The following GPHN variants were observed in gnomAD, a reference collection of about 807,000 sequenced individuals.
GPHN encodes the protein gephyrin.
In GPHN, 17 loss-of-function variants were observed where a neutral mutation model predicts 95.5. The observed-to-expected ratio is 0.18, with a 90% CI of 0.12 to 0.27. GPHN has a LOEUF of 0.27. Among genes scored for constraint, GPHN ranks in the 10% least tolerant of loss-of-function variants. The probability of loss-of-function intolerance (pLI) is 1.00; values close to 1 mark genes in which losing one functional copy is unlikely to be tolerated. For synonymous variants in GPHN, 320 were observed against 322.5 expected, an observed-to-expected ratio of 0.99 and a Z score of 0.08; for missense variants, 660 against 978.1, an observed-to-expected ratio of 0.67 and a Z score of 4.34.
At chr14:66,895,610 A>G (rs2153543606) in intron 5 of GPHN, among the ~76,000 whole-genome samples, 1 of 152,322 alleles carries the variant, frequency 6.6e-6, no homozygotes. Context: ...CTAGAATAAT[A>G]CTTTCAATGT....
chr14:67,358,510 T>G, the GPHN span, among the ~76,000 whole-genome samples: 3 of 151,022 alleles, frequency 2.0e-5, no homozygotes, highest in East Asian at 5.8e-4. Context: ...AATGTCAGGG[T>G]CAAAACTGAT....
At chr14:67,656,380 C>T in the GPHN span, 2 of 1,528,070 alleles carry the variant, frequency 1.3e-6, no homozygotes, top group African/African-American at 1.4e-5. Flanking sequence ...CCTAATTACC[C>T]CATACTTGCC....
intron 10 of GPHN, among the ~76,000 whole-genome samples, chr14:67,035,475 C>T (rs1594886945): frequency 6.6e-6 from 1 of 151,836 alleles, no homozygotes; most frequent in East Asian, 1.9e-4. Flanking sequence ...AAAATACCAA[C>T]AAAATTGACA....
chr14:67,605,776 G>T, the GPHN span, among the ~76,000 whole-genome samples: 2 of 151,940 alleles, frequency 1.3e-5, no homozygotes, highest in African/African-American at 4.8e-5. Context: ...TCTGCCTCCT[G>T]GGATCAAGCA....
At chr14:67,631,774 C>T in the GPHN span, among the ~76,000 whole-genome samples, 2 of 152,124 alleles carry the variant, frequency 1.3e-5, no homozygotes, top group East Asian at 3.9e-4. Context: ...TCAGTGTTCT[C>T]AGGATTCTGT....
chr14:67,611,024 C>T, the GPHN span: 1 of 156,554 alleles, frequency 6.4e-6, no homozygotes, highest in Non-Finnish European at 1.5e-5. Flanking sequence ...TGGAGCCGTA[C>T]CTGATGGTGA....
chr14:67,403,501 C>T, the GPHN span, among the ~76,000 whole-genome samples: 1 of 152,210 alleles, frequency 6.6e-6, no homozygotes, highest in African/African-American at 2.4e-5. Flanking sequence ...GCCAAATATT[C>T]TCTGTCCTGT....
chr14:67,333,249 C>T, the GPHN span: 1 of 236,250 alleles, frequency 4.2e-6, no homozygotes, highest in Non-Finnish European at 8.2e-6. Context: ...TTGTTTTCAC[C>T]TAAACCCTTT....
At chr14:67,487,134 C>T in the GPHN span, 1 of 152,280 alleles carries the variant, frequency 6.6e-6, no homozygotes, top group Non-Finnish European at 1.5e-5. Flanking sequence ...TAGGGCTCAG[C>T]TGATCCTTGG....
chr14:66,993,370 C>T (rs998021724), intron 9 of GPHN, among the ~76,000 whole-genome samples: 3 of 151,960 alleles, frequency 2.0e-5, no homozygotes, highest in Non-Finnish European at 4.4e-5. Context: ...TTTCAGAGTA[C>T]AAAGATAAAT....
At chr14:67,266,193 T>G in the GPHN span, among the ~76,000 whole-genome samples, 1 of 152,176 alleles carries the variant, frequency 6.6e-6, no homozygotes, top group Non-Finnish European at 1.5e-5. Context: ...AATATATATT[T>G]ATTTAAAAGT....
the GPHN span, among the ~76,000 whole-genome samples, chr14:67,344,461 G>T: frequency 6.6e-6 from 1 of 152,038 alleles, no homozygotes; most frequent in Non-Finnish European, 1.5e-5. Flanking sequence ...AAAGAATCAA[G>T]CATTAATAAC....
chr14:66,890,295 C>G (rs1036095339), intron 5 of GPHN, among the ~76,000 whole-genome samples: 7 of 151,482 alleles, frequency 4.6e-5, no homozygotes, highest in Non-Finnish European at 1.5e-5. Flanking sequence ...GTAGTCCCAG[C>G]TACTCAGGGG....
chr14:66,849,616 G>A (rs181826213), intron 4 of GPHN, among the ~76,000 whole-genome samples: 3 of 152,018 alleles, frequency 2.0e-5, no homozygotes, highest in South Asian at 2.1e-4. Context: ...TTACCAATCT[G>A]GTAGGTGAAA....
chr14:67,689,978 T>G, the GPHN span: 1 of 484,242 alleles, frequency 2.1e-6, no homozygotes, highest in Admixed American at 3.4e-5. Context: ...TTGCTATAGA[T>G]CACACAGCTA....
intron 8 of GPHN, among the ~76,000 whole-genome samples, chr14:66,945,923 T>C (rs2067720104): frequency 6.6e-6 from 1 of 152,220 alleles, no homozygotes; most frequent in African/African-American, 2.4e-5. Flanking sequence ...TTGTGATTTC[T>C]ATTGGCTTTC....
the GPHN span, among the ~76,000 whole-genome samples, chr14:67,328,101 A>T: frequency 6.6e-6 from 1 of 152,236 alleles, no homozygotes; most frequent in African/African-American, 2.4e-5. Flanking sequence ...TCCCACCAAC[A>T]GTGTAAAAGT....
the GPHN span, among the ~76,000 whole-genome samples, chr14:67,351,911 C>CAA: frequency 7.8e-6 from 1 of 128,118 alleles, no homozygotes; most frequent in Non-Finnish European, 1.6e-5. Flanking sequence ...GAACCTCTAC[C>CAA]AAAAAAAAAA....
chr14:67,061,420 A>G (rs923032575), intron 11 of GPHN, among the ~76,000 whole-genome samples: 2 of 151,784 alleles, frequency 1.3e-5, no homozygotes, highest in Non-Finnish European at 2.9e-5. Context: ...TCCGTTCTCC[A>G]ATTTGATGCC....
Sources: allele counts gnomAD v4.1 joint callset (sites outside exome capture counted in the v4.1 genomes callset), GRCh38; gene constraint gnomAD v4.1.1; transcripts MANE v1.5; gene names NCBI Gene and HGNC (gene_info 2026-07-23, HGNC 2026-07-21).